GRIN3A: variants seen among roughly 807,000 people sequenced by gnomAD.
GRIN3A encodes glutamate receptor ionotropic, NMDA 3A.
Under a neutral mutation model 92.4 loss-of-function variants are expected in GRIN3A, and 47 were observed. The ratio of observed to expected loss-of-function variants is 0.51; its 90% CI spans 0.40 to 0.65. The LOEUF (loss-of-function observed/expected upper bound fraction) is 0.65, where lower values mean the gene tolerates loss of function less well. Ranked by LOEUF, GRIN3A falls within the 30% of genes least tolerant of loss-of-function variation. The pLI is 0.00. For synonymous variants in GRIN3A, 527 were observed against 540.6 expected, an observed-to-expected ratio of 0.97 and a Z score of 0.35; for missense variants, 1,324 against 1,393.1, an observed-to-expected ratio of 0.95 and a Z score of 0.79.
At chr9:101,700,727 T>C (rs973679365) in intron 1 of GRIN3A, among the ~76,000 whole-genome samples, 7 of 152,208 alleles carry the variant, frequency 4.6e-5, no homozygotes, top group Non-Finnish European at 1.0e-4. Flanking sequence ...TTCAGTTATT[T>C]ATCTGCTATC....
At chr9:101,640,593 T>C (rs1828844267) in intron 3 of GRIN3A, among the ~76,000 whole-genome samples, 1 of 152,172 alleles carries the variant, frequency 6.6e-6, no homozygotes, top group Admixed American at 6.5e-5. Flanking sequence ...AAGAGACTGA[T>C]ATGGTTTGGC....
intron 8 of GRIN3A, 110 bp downstream of exon 8, chr9:101,577,658 A>G: frequency 2.4e-6 from 2 of 844,498 alleles, no homozygotes; most frequent in South Asian, 2.7e-5. Context: ...CCCTCTATTT[A>G]TACTGATTCT....
At chr9:101,622,702 C>A (rs1354727093) in intron 5 of GRIN3A, among the ~76,000 whole-genome samples, 2 of 151,960 alleles carry the variant, frequency 1.3e-5, no homozygotes, top group African/African-American at 2.4e-5. Flanking sequence ...GAACCAGGAG[C>A]TTTAGATTTC....
chr9:101,642,051 G>A lies in GRIN3A; in HGVS notation c.2353-13650C>T, dbSNP rs931275636. Among the ~76,000 whole-genome samples the A allele has an allele frequency of 1.1e-4, 16 of 152,012 alleles. No individual in the cohort carries two copies. The South Asian group carries it at 1.5e-3, about 14-fold the overall frequency. ...TTGAGAAAAAAGAGCAAAGCTAGAG[G>A]CATCATAATACTTGATTTCAAAATA... is the stretch of plus-strand genomic sequence containing the variant. On this transcript the variant is annotated intron_variant, in intron 3 of 8. Coordinates refer to ENST00000361820, the MANE Select transcript of GRIN3A (RefSeq NM_133445.3).
chr9:101,732,235 A>G (rs1446568933), intron 1 of GRIN3A, among the ~76,000 whole-genome samples: 2 of 152,222 alleles, frequency 1.3e-5, no homozygotes, highest in Non-Finnish European at 2.9e-5. Context: ...TTCCTTATCA[A>G]GAAAGTTTGC....
intron 1 of GRIN3A, among the ~76,000 whole-genome samples, chr9:101,725,883 C>T (rs1830077476): frequency 6.6e-6 from 1 of 152,240 alleles, no homozygotes; most frequent in African/African-American, 2.4e-5. Flanking sequence ...CATGGTCAGA[C>T]AGACCTTACT....
intron 3 of GRIN3A, among the ~76,000 whole-genome samples, chr9:101,653,035 C>G (rs1829034374): frequency 6.6e-6 from 1 of 151,894 alleles, no homozygotes; most frequent in African/African-American, 2.4e-5. Flanking sequence ...AACATTTTCA[C>G]AAATGTTTCC....
chr9:101,695,294 C>A (rs1829671210), intron 1 of GRIN3A, among the ~76,000 whole-genome samples: 1 of 152,062 alleles, frequency 6.6e-6, no homozygotes, highest in African/African-American at 2.4e-5. Context: ...ATTGCTGAGA[C>A]TACAGTAGTG....
At chr9:101,684,444 C>T (rs1291458527) in intron 2 of GRIN3A, among the ~76,000 whole-genome samples, 1 of 151,970 alleles carries the variant, frequency 6.6e-6, no homozygotes. Flanking sequence ...CTATTAAGTG[C>T]CTACTATAGG....
chr9:101,594,345 G>A, intron 6 of GRIN3A: 1 of 1,523,768 alleles, frequency 6.6e-7, no homozygotes, highest in Non-Finnish European at 8.8e-7. Context: ...GACGTCTTGA[G>A]CAAATCTTGA....
intron 6 of GRIN3A, among the ~76,000 whole-genome samples, chr9:101,582,100 T>C (rs1827894108): frequency 6.6e-6 from 1 of 152,206 alleles, no homozygotes; most frequent in Non-Finnish European, 1.5e-5. Context: ...ATTTGTCTGA[T>C]GTGAATGATC....
At chr9:101,656,214 C>T (rs1829086990) in intron 3 of GRIN3A, among the ~76,000 whole-genome samples, 1 of 151,846 alleles carries the variant, frequency 6.6e-6, no homozygotes, top group Non-Finnish European at 1.5e-5. Context: ...ACAAAGGTAG[C>T]ATAGATCAGT....
chr9:101,646,009 C>G (rs746489397), intron 3 of GRIN3A, among the ~76,000 whole-genome samples: 3 of 151,572 alleles, frequency 2.0e-5, no homozygotes, highest in Non-Finnish European at 4.4e-5. Context: ...CAAATATTTT[C>G]TCTTATTTTG....
chr9:101,653,393 C>T (rs1277526017), intron 3 of GRIN3A, among the ~76,000 whole-genome samples: 1 of 151,792 alleles, frequency 6.6e-6, no homozygotes, highest in Admixed American at 6.6e-5. Flanking sequence ...AAATACATTT[C>T]AAAATAATTT....
intron 8 of GRIN3A, among the ~76,000 whole-genome samples, chr9:101,573,919 C>T (rs1827794553): frequency 6.6e-6 from 1 of 151,188 alleles, no homozygotes; most frequent in Non-Finnish European, 1.5e-5. Context: ...TCTATTTATT[C>T]ACTTGTTGGG....
chr9:101,575,559 C>T (rs1564117152), intron 8 of GRIN3A, among the ~76,000 whole-genome samples: 2 of 152,102 alleles, frequency 1.3e-5, no homozygotes, highest in African/African-American at 4.8e-5. Context: ...TAAATCATCT[C>T]CTGCAATATG....
intron 2 of GRIN3A, among the ~76,000 whole-genome samples, chr9:101,684,645 G>A (rs1829507478): frequency 6.6e-6 from 1 of 152,116 alleles, no homozygotes; most frequent in African/African-American, 2.4e-5. Context: ...AAATCTTGAG[G>A]AGCCAGAAAG....
chr9:101,628,952 AT>A (rs1240924996), intron 3 of GRIN3A, among the ~76,000 whole-genome samples: 2 of 149,614 alleles, frequency 1.3e-5, no homozygotes, highest in African/African-American at 5.1e-5. Flanking sequence ...AATACAGAGT[AT>A]TTTTTTTAAT....
chr9:101,625,177 A>G (rs1828614089), intron 4 of GRIN3A, among the ~76,000 whole-genome samples: 1 of 152,042 alleles, frequency 6.6e-6, no homozygotes, highest in African/African-American at 2.4e-5. Context: ...GTAGGTATTT[A>G]TTTTTTAAAA....
Sources: allele counts gnomAD v4.1 joint callset (sites outside exome capture counted in the v4.1 genomes callset), GRCh38; gene constraint gnomAD v4.1.1; transcripts MANE v1.5; gene names NCBI Gene and HGNC (gene_info 2026-07-23, HGNC 2026-07-21).